The following UBE2D1 variants were observed in gnomAD, a reference collection of about 807,000 sequenced individuals.
UBE2D1 encodes the protein ubiquitin conjugating enzyme E2 D1.
In UBE2D1, 9 loss-of-function variants were observed where a neutral mutation model predicts 24.6. The ratio of observed to expected loss-of-function variants is 0.37; its 90% CI spans 0.22 to 0.64. UBE2D1 has a LOEUF of 0.64. UBE2D1 is among the 30% of genes least tolerant of loss of function. The pLI, the probability that UBE2D1 is intolerant of heterozygous loss-of-function variation, is 0.64. For missense variants in UBE2D1, 87 were observed against 177.1 expected, an observed-to-expected ratio of 0.49 and a Z score of 2.89; for synonymous variants, 57 against 57.6, an observed-to-expected ratio of 0.99 and a Z score of 0.04.
chr10:58,357,393 A>G (rs1259584648), intron 1 of UBE2D1, among the ~76,000 whole-genome samples: 1 of 152,188 alleles, frequency 6.6e-6, no homozygotes, highest in East Asian at 1.9e-4. Context: ...AATCTAAATC[A>G]AAAGAAAGAA....
intron 5 of UBE2D1, among the ~76,000 whole-genome samples, chr10:58,367,332 T>C (rs1276348982): frequency 6.6e-6 from 1 of 152,086 alleles, no homozygotes; most frequent in Non-Finnish European, 1.5e-5. Context: ...TTAGTGTAGC[T>C]ATTTGCATTA....
chr10:58,368,584 C>T (rs954913596), intron 6 of UBE2D1, 136 bp from the exon 7 acceptor site: 11 of 455,762 alleles, frequency 2.4e-5, no homozygotes, highest in African/African-American at 1.4e-4. Flanking sequence ...ACCTAAGTCA[C>T]ATTGACCCAG....
In UBE2D1 at chr10:58,361,975, A is replaced by G. The variant is rs530920616; in HGVS notation, c.120+449A>G. ...CTGTTCTTTTTTGTGAAAGAGAATC[A>G]ATAAAATATTACAATGGGTCTGTCT... On this transcript the variant is annotated intron_variant, in intron 3 of 6. Coordinates refer to ENST00000373910, the MANE Select transcript of UBE2D1 (RefSeq NM_003338.5). 1.2e-4 allele frequency among the ~76,000 whole-genome samples: 19 copies of G among 152,274 alleles called. No individual in the cohort carries two copies. The South Asian group carries it at 3.9e-3, about 32-fold the overall frequency.
intron 1 of UBE2D1, among the ~76,000 whole-genome samples, chr10:58,337,154 A>C (rs1839912188): frequency 6.6e-6 from 1 of 152,078 alleles, no homozygotes; most frequent in East Asian, 1.9e-4. Flanking sequence ...AAAAAAAATT[A>C]CTTACATAGA....
intron 4 of UBE2D1, 140 bp from the exon 5 acceptor site, chr10:58,364,631 A>G: frequency 1.6e-6 from 1 of 614,280 alleles, no homozygotes; most frequent in Non-Finnish European, 2.9e-6. Flanking sequence ...GTAGATAATT[A>G]TTTGATTTGT....
intron 4 of UBE2D1, chr10:58,364,552 A>C (rs1840235656): frequency 2.1e-6 from 1 of 473,036 alleles, no homozygotes; most frequent in African/African-American, 2.0e-5. Context: ...AGTTCCTTTG[A>C]GGGCAAAAGA....
At chr10:58,358,585 A>G (rs1233067269) in intron 1 of UBE2D1, among the ~76,000 whole-genome samples, 1 of 152,124 alleles carries the variant, frequency 6.6e-6, no homozygotes, top group Non-Finnish European at 1.5e-5. Flanking sequence ...GTTGTCATAG[A>G]AACTGTGGAT....
intron 1 of UBE2D1, among the ~76,000 whole-genome samples, chr10:58,354,146 A>G (rs1390321063): frequency 6.6e-6 from 1 of 152,200 alleles, no homozygotes; most frequent in African/African-American, 2.4e-5. Flanking sequence ...TTTAATTCTC[A>G]GTACAGTTCT....
chr10:58,346,250 G>C (rs1271091435), intron 1 of UBE2D1, among the ~76,000 whole-genome samples: 1 of 152,026 alleles, frequency 6.6e-6, no homozygotes, highest in East Asian at 1.9e-4. Flanking sequence ...GACCTCAAAT[G>C]ATCTGCCCGC....
intron 1 of UBE2D1, among the ~76,000 whole-genome samples, chr10:58,354,649 T>C (rs1840111600): frequency 6.6e-6 from 1 of 151,944 alleles, no homozygotes; most frequent in African/African-American, 2.4e-5. Context: ...CTGGCCAATA[T>C]ATAGTGAAAC....
intron 1 of UBE2D1, among the ~76,000 whole-genome samples, chr10:58,349,833 C>T (rs1225255165): frequency 1.3e-5 from 2 of 152,136 alleles, no homozygotes; most frequent in Non-Finnish European, 2.9e-5. Flanking sequence ...CAAGGTAAAT[C>T]ACTATTCTAA....
At chr10:58,362,732 T>G (rs547725243) in intron 3 of UBE2D1, among the ~76,000 whole-genome samples, 127 of 152,206 alleles carry the variant, frequency 8.3e-4, no homozygotes, top group South Asian at 1.7e-3. Flanking sequence ...CTAGAATTGT[T>G]TAAACAATAT....
At chr10:58,368,127 A>G (rs1589005313) in intron 6 of UBE2D1, 111 bp downstream of exon 6, 2 of 734,510 alleles carry the variant, frequency 2.7e-6, no homozygotes, top group South Asian at 4.0e-5. Context: ...TGTTATATGT[A>G]TATTGTTTAT....
chr10:58,338,772 G>A (rs952630136), intron 1 of UBE2D1, among the ~76,000 whole-genome samples: 1 of 152,198 alleles, frequency 6.6e-6, no homozygotes, highest in African/African-American at 2.4e-5. Flanking sequence ...GTGATGTGAT[G>A]TGATGTGATG....
At chr10:58,367,302 A>AGTGT (rs34565317) in intron 5 of UBE2D1, among the ~76,000 whole-genome samples, 6,706 of 149,704 alleles carry the variant, frequency 0.045, 258 homozygotes, top group African/African-American at 0.11. Context: ...TTAGATCGTT[A>AGTGT]GTGTGTGTGT....
chr10:58,343,965 T>G (rs1306466398), intron 1 of UBE2D1, among the ~76,000 whole-genome samples: 2 of 152,184 alleles, frequency 1.3e-5, no homozygotes, highest in Non-Finnish European at 2.9e-5. Context: ...AAATAGTAAG[T>G]TTTGATAATG....
intron 1 of UBE2D1, among the ~76,000 whole-genome samples, chr10:58,341,071 A>G (rs1839956904): frequency 6.6e-6 from 1 of 152,250 alleles, no homozygotes; most frequent in South Asian, 2.1e-4. Context: ...AGATCGTTTA[A>G]CATTGTAAAT....
intron 1 of UBE2D1, among the ~76,000 whole-genome samples, chr10:58,341,373 C>T (rs980586415): frequency 6.6e-6 from 1 of 152,126 alleles, no homozygotes; most frequent in Admixed American, 6.6e-5. Context: ...AAATGGTTTT[C>T]CTTGAGATGA....
chr10:58,343,667 G>A (rs545483044), intron 1 of UBE2D1, among the ~76,000 whole-genome samples: 17 of 152,096 alleles, frequency 1.1e-4, no homozygotes, highest in Non-Finnish European at 1.9e-4. Flanking sequence ...GATACAGACC[G>A]TATGCATTGT....
Sources: gnomAD v4.1 joint callset for allele counts (sites outside exome capture counted in the v4.1 genomes callset) on GRCh38, gnomAD v4.1.1 for gene constraint, MANE v1.5 for transcripts, NCBI Gene and HGNC (gene_info 2026-07-23, HGNC 2026-07-21) for gene names.